The following ZNF729 variants were observed in gnomAD, a reference collection of about 807,000 sequenced individuals.
ZNF729 encodes the protein zinc finger protein 729.
A neutral mutation model predicts 12.2 loss-of-function variants in ZNF729; 15 were observed. The observed-to-expected ratio is 1.23, with a 90% CI of 0.82 to 1.89. The LOEUF is 1.89. Ranked by LOEUF, ZNF729 falls within the 40% of genes most tolerant of loss-of-function variation. The pLI, the probability that ZNF729 is intolerant of heterozygous loss-of-function variation, is 0.00. For missense variants in ZNF729, 1,540 were observed against 1,456.7 expected (o/e 1.06, Z -0.93); for synonymous variants, 492 against 476.3 (o/e 1.03, Z -0.43).
intron 2 of ZNF729, among the ~76,000 whole-genome samples, 200 bp from the exon 3 acceptor site, chr19:22,304,488 C>G (rs1968354693): frequency 6.6e-6 from 1 of 152,286 alleles, no homozygotes; most frequent in Non-Finnish European, 1.5e-5. Context: ...TTGCCACCAA[C>G]AATTTTTGAT....
intron 1 of ZNF729, among the ~76,000 whole-genome samples, chr19:22,286,886 G>T (rs1568569010): frequency 6.6e-6 from 1 of 152,196 alleles, no homozygotes; most frequent in Non-Finnish European, 1.5e-5. Context: ...TCCGGATGCG[G>T]GTTCATGAAT....
intron 1 of ZNF729, among the ~76,000 whole-genome samples, chr19:22,295,118 A>G (rs1968212274): frequency 6.6e-6 from 1 of 150,460 alleles, no homozygotes; most frequent in Non-Finnish European, 1.5e-5. Flanking sequence ...TTTGGCTTGC[A>G]TGTTGTTAAT....
intron 3 of ZNF729, among the ~76,000 whole-genome samples, chr19:22,306,489 T>A (rs1486757910): frequency 6.7e-6 from 1 of 149,292 alleles, no homozygotes; most frequent in Non-Finnish European, 1.5e-5. Flanking sequence ...AGTTTCATTG[T>A]TCTGTTTTAT....
Position 22,316,184 on chromosome 19 carries a change from C to T in ZNF729, c.2767C>T (p.Leu923Phe). Reference protein sequence around the residue: ...CGKAFKHFSALRKHKIIHTGK... With the variant: ...CGKAFKHFSAFRKHKIIHTGK... ...CAAAGCTTTTAAGCATTTCTCAGCC[C>T]TTAGAAAACATAAGATAATTCATAC... Residue 923 changes from leucine (L) to phenylalanine (F), a missense_variant, in exon 4 of 4, where the codon CTT (leucine) becomes TTT (phenylalanine). Physicochemically the swap from Leu to Phe is conservative, Grantham distance 22 (BLOSUM62 0). Transcript: ENST00000601693. 3.7e-6 allele frequency: 6 copies of T among 1,612,364 alleles called. No individual in the cohort carries two copies. The highest frequency in any genetic ancestry group is 5.1e-6 in the Non-Finnish European group (6 of 1,179,374).
chr19:22,304,304 G>T (rs2145050923), intron 2 of ZNF729, among the ~76,000 whole-genome samples: 1 of 152,294 alleles, frequency 6.6e-6, no homozygotes, highest in Non-Finnish European at 1.5e-5. Context: ...CTCCCAAAGT[G>T]CTGGGATTAC....
At position 22,298,021 on chromosome 19, in the gene ZNF729, A is replaced by AAC. The variant is rs1555783786; in HGVS notation, c.31-5736_31-5735insCA. On this transcript the variant is annotated intron_variant, in intron 1 of 3. Coordinates refer to ENST00000601693, the MANE Select transcript of ZNF729 (RefSeq NM_001242680.2). ...ACTCCATCTCAAAAAAAAAAAAAAA[A>AAC]AAAAAACACAAAACATTGAGCACAA... 2.4e-3 allele frequency among the ~76,000 whole-genome samples: 357 copies of AAC among 149,698 alleles called. 2 individuals carry two copies. Among genetic ancestry groups the AAC allele is most frequent in the African/African-American group, 8.6e-3 (346 of 40,248 alleles).
chr19:22,288,039 T>C (rs2145037684), intron 1 of ZNF729, among the ~76,000 whole-genome samples: 1 of 152,100 alleles, frequency 6.6e-6, no homozygotes, highest in East Asian at 1.9e-4. Context: ...AGAGACAGAG[T>C]TTCACTATGT....
rs1324673747 is a variant in ZNF729 at position 22,314,016 on chromosome 19, G to T, written c.599G>T (p.Arg200Ile). The change falls in exon 4 of 4, where the codon AGA (arginine) becomes ATA (isoleucine). Residue 200 changes from arginine to isoleucine, a missense_variant. By Grantham distance (97) the Arg-to-Ile change is moderately conservative. Coordinates refer to ENST00000601693, the MANE Select transcript of ZNF729 (RefSeq NM_001242680.2). ...CTTTCATGCTTAATTCGACATAAGA[G>T]AATTCATATTAGACAGAATATCTAC... ...FMLSCLIRHK[R>I]IHIRQNIYKC... The T allele has an allele frequency of 4.5e-6, 7 of 1,540,898 alleles. No individual in the cohort carries two copies. Among genetic ancestry groups the T allele is most frequent in the Non-Finnish European group, 5.2e-6 (6 of 1,146,124 alleles).
Position 22,286,467 on chromosome 19 carries a change from T to C in ZNF729, c.-59T>C, listed in dbSNP as rs1373039429. ...CAGTTCCCGGTCTCGCCTTCACTGC[T>C]GTGTGTCCTCAGCCTCTGTGGCCCT... On this transcript the variant is annotated 5_prime_UTR_variant, in exon 1 of 4. Coordinates refer to ENST00000601693, the MANE Select transcript of ZNF729 (RefSeq NM_001242680.2). The C allele has an allele frequency of 1.2e-6, 2 of 1,608,344 alleles. No homozygotes were observed. Among genetic ancestry groups the C allele is most frequent in the Non-Finnish European group, 1.7e-6 (2 of 1,177,910 alleles).
In ZNF729 at chr19:22,315,017, C is replaced by T; in HGVS notation, c.1600C>T (p.His534Tyr). The T allele has an allele frequency of 3.7e-6, 6 of 1,611,596 alleles. No individual in the cohort carries two copies. The highest frequency in any genetic ancestry group is 5.1e-6 in the Non-Finnish European group (6 of 1,179,738). Residue 534 changes from histidine to tyrosine, a missense_variant, in exon 4 of 4, where the codon CAT becomes TAT. His to Tyr is a moderately conservative substitution (Grantham distance 83). Coordinates refer to ENST00000601693, the MANE Select transcript of ZNF729 (RefSeq NM_001242680.2). ...AFSQSSTLRN[H>Y]QIIHTGEKPY... The stretch of plus-strand genomic sequence containing the variant: ...TAGCCAGTCCTCAACCCTTAGAAAC[C>T]ATCAGATAATTCATACTGGAGAGAA...
rs543577982 is a variant in ZNF729 at position 22,314,793 on chromosome 19, C to T, written c.1376C>T (p.Pro459Leu). ...AAGATAATTCATACTGGGGAGAAAC[C>T]ATACAAATGTGAAGAATGTGGCAAA... Reference protein sequence around the residue: ...KHKIIHTGEKPYKCEECGKAF... With the variant: ...KHKIIHTGEKLYKCEECGKAF... The change falls in exon 4 of 4, where the codon CCA becomes CTA. Residue 459 changes from proline to leucine, a missense_variant. Pro to Leu is a moderately conservative substitution (Grantham distance 98). Coordinates refer to ENST00000601693, the MANE Select transcript of ZNF729 (RefSeq NM_001242680.2). 6.2e-7 allele frequency: 1 copy of T among 1,613,668 alleles called. No individual in the cohort carries two copies. Among genetic ancestry groups the T allele is most frequent in the Non-Finnish European group, 8.5e-7 (1 of 1,179,882 alleles).
In ZNF729 at chr19:22,317,026, T is replaced by C; in HGVS notation, c.3609T>C (p.Leu1203=). 1 of 1,611,220 alleles carries C rather than the reference T, an allele frequency of 6.2e-7. No individual in the cohort carries two copies. The highest frequency in any genetic ancestry group is 8.5e-7 in the Non-Finnish European group (1 of 1,179,754). ...AAGCTTTTATTCAGTGCTCATACCTTATTAGACATAAAACAATTCATACCA... is the reference window on the plus strand; with the variant it reads ...AAGCTTTTATTCAGTGCTCATACCTCATTAGACATAAAACAATTCATACCA... ...CGKAFIQCSY[L]IRHKTIHTRE... is the part of the protein sequence containing the mutation. The change falls in exon 4 of 4, where the codon CTT becomes CTC. Residue 1203 remains leucine (L), a synonymous_variant. Coordinates refer to ENST00000601693, the MANE Select transcript of ZNF729 (RefSeq NM_001242680.2).
chr19:22,290,380 T>G lies in ZNF729; in HGVS notation c.30+3825T>G, dbSNP rs972086394. Among the ~76,000 whole-genome samples the G allele has an allele frequency of 3.1e-4, 47 of 152,286 alleles. 1 individual carries two copies. Among genetic ancestry groups the G allele is most frequent in the African/African-American group, 8.4e-4 (35 of 41,568 alleles). ...TAGACTTTGTAAAGTAAAACAAAGT[T>G]AGATTTATGTTGGAAAAAGAATTGA... On this transcript the variant is annotated intron_variant, in intron 1 of 3. Coordinates refer to ENST00000601693, the MANE Select transcript of ZNF729 (RefSeq NM_001242680.2).
intron 3 of ZNF729, among the ~76,000 whole-genome samples, chr19:22,308,878 C>T (rs1968416354): frequency 6.6e-6 from 1 of 152,086 alleles, no homozygotes. Context: ...CATTAAGTTC[C>T]CGTTTTGACA....
chr19:22,291,584 G>A (rs540245225), intron 1 of ZNF729, among the ~76,000 whole-genome samples: 19 of 152,216 alleles, frequency 1.2e-4, no homozygotes, highest in African/African-American at 4.6e-4. Context: ...ACCAACCTGG[G>A]GTTCTGGACA....
intron 3 of ZNF729, among the ~76,000 whole-genome samples, chr19:22,307,967 C>T (rs1051183459): frequency 5.3e-5 from 8 of 151,656 alleles, no homozygotes; most frequent in Non-Finnish European, 8.8e-5. Flanking sequence ...ACTCATCACC[C>T]GAGCTGTATA....
intron 1 of ZNF729, 115 bp from the exon 2 acceptor site, chr19:22,303,643 C>A: frequency 2.1e-6 from 2 of 956,362 alleles, no homozygotes; most frequent in Non-Finnish European, 3.0e-6. Flanking sequence ...GTTCGGTCAT[C>A]CCTATAAGTT....
chr19:22,289,108 C>A (rs1968119374), intron 1 of ZNF729, among the ~76,000 whole-genome samples: 1 of 151,248 alleles, frequency 6.6e-6, no homozygotes. Context: ...AGTTTTTTAA[C>A]TGTGAATTGC....
rs776488958 is a variant in ZNF729 at position 22,315,739 on chromosome 19, C to G, written c.2322C>G (p.Val774=). ...AATTGTACAAATGTGAAGAATGTGTCAAAGCTTTTAACAGTTTCTCAGCCC... is the reference window on the plus strand; with the variant it reads ...AATTGTACAAATGTGAAGAATGTGTGAAAGCTTTTAACAGTTTCTCAGCCC... ...REKLYKCEEC[V]KAFNSFSALM... is the part of the protein sequence containing the mutation. The change falls in exon 4 of 4, where the codon GTC becomes GTG. Residue 774 remains valine (V), a synonymous_variant. Coordinates refer to ENST00000601693, the MANE Select transcript of ZNF729 (RefSeq NM_001242680.2). The G allele has an allele frequency of 4.4e-6, 7 of 1,606,240 alleles. No homozygotes were observed. The African/African-American group carries it at 9.4e-5, about 22-fold the overall frequency.
Sources: allele counts gnomAD v4.1 joint callset (sites outside exome capture counted in the v4.1 genomes callset), GRCh38; gene constraint gnomAD v4.1.1; transcripts MANE v1.5; gene names NCBI Gene and HGNC (gene_info 2026-07-23, HGNC 2026-07-21).